GFOD2: variants seen among roughly 807,000 people sequenced by gnomAD.
The protein encoded by GFOD2 is glucose-fructose oxidoreductase domain-containing protein 2.
In GFOD2, 9 loss-of-function variants were observed where a neutral mutation model predicts 24.6. That is an observed-to-expected ratio of 0.37 (90% CI 0.22 to 0.64). The LOEUF (loss-of-function observed/expected upper bound fraction) is 0.64, where lower values mean the gene tolerates loss of function less well. GFOD2 is among the 30% of genes least tolerant of loss of function. The pLI, the probability that GFOD2 is intolerant of heterozygous loss-of-function variation, is 0.65. For missense variants in GFOD2, 476 were observed against 532.5 expected, an observed-to-expected ratio of 0.89 and a Z score of 1.04; for synonymous variants, 211 against 224.8, an observed-to-expected ratio of 0.94 and a Z score of 0.55.
At chr16:67,686,698 T>C (rs906650849) in intron 1 of GFOD2, among the ~76,000 whole-genome samples, 1 of 148,924 alleles carries the variant, frequency 6.7e-6, no homozygotes, top group African/African-American at 2.5e-5. Context: ...TAGCCAGGTG[T>C]GGTGGCAGAT....
intron 1 of GFOD2, among the ~76,000 whole-genome samples, chr16:67,697,124 A>C (rs1372621051): frequency 6.6e-6 from 1 of 152,116 alleles, no homozygotes; most frequent in Non-Finnish European, 1.5e-5. Context: ...CAGGCTATAT[A>C]CAATTTGACA....
At position 67,702,471 on chromosome 16, in the gene GFOD2, T is replaced by TA. The variant is rs558705693; in HGVS notation, c.-87-16670dup. On this transcript the variant is annotated intron_variant, in intron 1 of 2. Transcript: ENST00000268797. ...CCTGGGCAACAGAGTGACTCTGTCT[T>TA]AAAAAAAAAAAAATTTACAATTTGG... Among the ~76,000 whole-genome samples, 263 of 144,824 alleles carry TA rather than the reference T, an allele frequency of 1.8e-3. 3 individuals carry two copies. The highest frequency in any genetic ancestry group is 6.1e-3 in the Admixed American group (88 of 14,398).
At chr16:67,712,112 A>C (rs970103084) in intron 1 of GFOD2, among the ~76,000 whole-genome samples, 13 of 152,338 alleles carry the variant, frequency 8.5e-5, no homozygotes, top group Admixed American at 8.5e-4. Flanking sequence ...GAAAGAATGA[A>C]AGATTTCAGA....
At chr16:67,709,475 T>C (rs1157212288) in intron 1 of GFOD2, among the ~76,000 whole-genome samples, 1 of 152,090 alleles carries the variant, frequency 6.6e-6, no homozygotes, top group African/African-American at 2.4e-5. Flanking sequence ...GCCAAACAGA[T>C]ATAGTTTCTG....
At chr16:67,679,272 G>A (rs1391933942) in intron 2 of GFOD2, among the ~76,000 whole-genome samples, 4 of 140,688 alleles carry the variant, frequency 2.8e-5, no homozygotes, top group East Asian at 2.0e-4. Flanking sequence ...TGCTCTTGTC[G>A]CCCAGGCTGG....
At chr16:67,681,804 C>G in intron 2 of GFOD2, 2 of 985,266 alleles carry the variant, frequency 2.0e-6, no homozygotes, top group Non-Finnish European at 2.4e-6. Flanking sequence ...GCTAGCTGTA[C>G]AGAGTCTTTG....
intron 1 of GFOD2, among the ~76,000 whole-genome samples, chr16:67,717,456 A>T (rs1173693615): frequency 6.6e-6 from 1 of 152,212 alleles, no homozygotes; most frequent in East Asian, 1.9e-4. Context: ...GTGTTCTAGT[A>T]TTACTATAGA....
intron 1 of GFOD2, among the ~76,000 whole-genome samples, chr16:67,707,901 G>A (rs2053449431): frequency 6.6e-6 from 1 of 152,080 alleles, no homozygotes; most frequent in Non-Finnish European, 1.5e-5. Flanking sequence ...CCCACACACA[G>A]AAGACCCATA....
intron 1 of GFOD2, among the ~76,000 whole-genome samples, chr16:67,686,975 C>T (rs980629265): frequency 3.3e-5 from 5 of 151,068 alleles, no homozygotes; most frequent in Admixed American, 2.0e-4. Context: ...GGTGAAACCC[C>T]GTCTCTACCA....
intron 2 of GFOD2, chr16:67,680,905 A>C (rs2053220395): frequency 1.0e-6 from 1 of 985,448 alleles, no homozygotes; most frequent in South Asian, 4.7e-5. Flanking sequence ...TTAATAAAAG[A>C]AGCTTTACAA....
chr16:67,698,152 C>T (rs1161994634), intron 1 of GFOD2, among the ~76,000 whole-genome samples: 1 of 152,094 alleles, frequency 6.6e-6, no homozygotes, highest in Non-Finnish European at 1.5e-5. Context: ...TTATTTTTTG[C>T]CTTCTCTCCC....
intron 2 of GFOD2, chr16:67,685,230 A>G: frequency 7.0e-7 from 1 of 1,427,344 alleles, no homozygotes; most frequent in Non-Finnish European, 9.1e-7. Flanking sequence ...TGTCTCTTAG[A>G]GTATTTCCTT....
intron 1 of GFOD2, among the ~76,000 whole-genome samples, chr16:67,701,030 C>A: frequency 7.3e-6 from 1 of 137,280 alleles, no homozygotes; most frequent in Non-Finnish European, 1.5e-5. Context: ...GAGTGAGACT[C>A]TGTCTCAAAA....
Position 67,675,721 on chromosome 16 carries a change from GCAC to G in GFOD2, c.589_591del (p.Val197del). The G allele has an allele frequency of 6.2e-7, 1 of 1,614,078 alleles. No individual in the cohort carries two copies. The highest frequency in any genetic ancestry group is 2.2e-5 in the East Asian group (1 of 44,884). ...CTCACGAATGTCTTGAGCAGCCCGTGCACCTTCTCGGCTCTCCGGCCGGTCAGG... is the reference window on the plus strand; with the variant it reads ...CTCACGAATGTCTTGAGCAGCCCGTGCTTCTCGGCTCTCCGGCCGGTCAGG... On this transcript the variant is annotated inframe_deletion, in exon 3 of 3. Transcript: ENST00000268797.
At chr16:67,697,964 C>T (rs1040110350) in intron 1 of GFOD2, among the ~76,000 whole-genome samples, 2 of 152,106 alleles carry the variant, frequency 1.3e-5, no homozygotes, top group African/African-American at 2.4e-5. Context: ...TGGGTGTGCT[C>T]AGTATTCTTG....
chr16:67,700,052 G>C (rs2053390521), intron 1 of GFOD2, among the ~76,000 whole-genome samples: 1 of 152,020 alleles, frequency 6.6e-6, no homozygotes, highest in Non-Finnish European at 1.5e-5. Context: ...TTCAGCCTGG[G>C]CAACAAGAGC....
chr16:67,709,323 T>C (rs1397704790), intron 1 of GFOD2, among the ~76,000 whole-genome samples: 21 of 151,014 alleles, frequency 1.4e-4, no homozygotes, highest in Admixed American at 1.3e-3. Context: ...AAAAAAAAGA[T>C]TGGGACATTA....
chr16:67,699,630 T>C lies in GFOD2; in HGVS notation c.-87-13828A>G, dbSNP rs143792786. Among the ~76,000 whole-genome samples, 652 of 152,050 alleles carry C rather than the reference T, an allele frequency of 4.3e-3. 5 individuals carry two copies. Among genetic ancestry groups the C allele is most frequent in the South Asian group, 0.04 (191 of 4,818 alleles). ...ACCCGAGCAGCTGGGACCACAGATG[T>C]GTACCACCACGCCTGGCTAATTTTT... On this transcript the variant is annotated intron_variant, in intron 1 of 2. Transcript: ENST00000268797.
In GFOD2 at chr16:67,675,228, G is replaced by A; in HGVS notation, c.1085C>T (p.Ala362Val). 3 of 1,613,788 alleles carry A rather than the reference G, an allele frequency of 1.9e-6. No individual in the cohort carries two copies. Among genetic ancestry groups the A allele is most frequent in the Non-Finnish European group, 2.5e-6 (3 of 1,180,026 alleles). Reference protein sequence around the residue: ...KRSSRSGEWEAVEVLTEEPDT... With the variant: ...KRSSRSGEWEVVEVLTEEPDT... ...GGGCTCCTCCGTCAGCACCTCCACA[G>A]CCTCCCACTCCCCGGATCGGCTCGA... The change falls in exon 3 of 3, where the codon GCT becomes GTT. Residue 362 changes from alanine to valine, a missense_variant. By Grantham distance (64) the Ala-to-Val change is moderately conservative. Transcript: ENST00000268797.
Sources: gnomAD v4.1 joint callset for allele counts (sites outside exome capture counted in the v4.1 genomes callset) on GRCh38, gnomAD v4.1.1 for gene constraint, MANE v1.5 for transcripts, NCBI Gene and HGNC (gene_info 2026-07-23, HGNC 2026-07-21) for gene names.